The following TBC1D25 variants were observed in gnomAD, a reference collection of about 807,000 sequenced individuals.
TBC1D25 encodes TBC1 domain family member 25.
TBC1D25 carries 13 observed loss-of-function variants against 38.8 expected under a neutral mutation model. That is an observed-to-expected ratio of 0.34 (90% CI 0.22 to 0.53). The LOEUF is 0.53. Ranked by LOEUF, TBC1D25 falls within the 20% of genes least tolerant of loss-of-function variation. TBC1D25 has a pLI of 0.94. For missense variants in TBC1D25, 372 were observed against 600.0 expected, an observed-to-expected ratio of 0.62 and a Z score of 3.97; for synonymous variants, 225 against 255.6, an observed-to-expected ratio of 0.88 and a Z score of 1.14.
chrX:48,540,648 C>T (rs1324775282), intron 1 of TBC1D25, among the ~76,000 whole-genome samples: 1 of 111,473 alleles, frequency 9.0e-6, no homozygotes, highest in African/African-American at 3.3e-5. Context: ...AGAGACAGAT[C>T]GCCAAGGGCC....
chrX:48,542,490 C>CT (rs781913912), intron 2 of TBC1D25, among the ~76,000 whole-genome samples: 143 of 92,124 alleles, frequency 1.6e-3, no homozygotes, highest in African/African-American at 1.8e-3. Context: ...TTGATCTTCT[C>CT]TTTTTTTTTT....
intron 3 of TBC1D25, among the ~76,000 whole-genome samples, chrX:48,555,434 T>A (rs2061967503): frequency 8.9e-6 from 1 of 112,142 alleles, no homozygotes; most frequent in Non-Finnish European, 1.9e-5. Flanking sequence ...AGAAGTTGAT[T>A]GGTTTCACAC....
In TBC1D25 at chrX:48,561,089, C is replaced by G; in HGVS notation, c.*114C>G. On this transcript the variant is annotated 3_prime_UTR_variant, in exon 6 of 6. Coordinates refer to ENST00000376771, the MANE Select transcript of TBC1D25 (RefSeq NM_002536.4). The stretch of plus-strand genomic sequence containing the variant: ...CCTGCCAGCCCTAGACTTGTTGGAG[C>G]ATAGAGCCCTTCCTCCCCAGGCCTA... The G allele has an allele frequency of 1.1e-6, 1 of 900,370 alleles. No individual in the cohort carries two copies. The highest frequency in any genetic ancestry group is 2.0e-5 in the African/African-American group (1 of 50,364). 74.2% of individuals were successfully genotyped at this position (900,370 alleles called of 1,213,427 possible).
intron 3 of TBC1D25, among the ~76,000 whole-genome samples, chrX:48,558,087 G>A (rs1423285748): frequency 9.6e-6 from 1 of 103,642 alleles, no homozygotes; most frequent in Non-Finnish European, 2.0e-5. Context: ...TTCCACCCTC[G>A]GTTACAGAGT....
At chrX:48,557,085 C>T (rs1400624081) in intron 3 of TBC1D25, among the ~76,000 whole-genome samples, 3 of 107,337 alleles carry the variant, frequency 2.8e-5, no homozygotes, top group Admixed American at 2.0e-4. Flanking sequence ...AAATCATCCA[C>T]GCATGGTGGC....
chrX:48,541,771 C>G (rs2061840542), intron 2 of TBC1D25, among the ~76,000 whole-genome samples: 1 of 111,945 alleles, frequency 8.9e-6, no homozygotes, highest in Non-Finnish European at 1.9e-5. Context: ...GATTTTTCAA[C>G]TTTACAATGG....
At position 48,559,828 on chromosome X, in the gene TBC1D25, A is replaced by G. The variant is rs782524725; in HGVS notation, c.920A>G (p.Asp307Gly). The change falls in exon 6 of 6, where the codon GAT (aspartate) becomes GGT (glycine). Residue 307 changes from aspartate to glycine, a missense_variant. By Grantham distance (94) the Asp-to-Gly change is moderately conservative. Coordinates refer to ENST00000376771, the MANE Select transcript of TBC1D25 (RefSeq NM_002536.4). ...CACCCCTACTATGCGGGGCCTGAGG[A>G]TGGCCCACATCTACGGGCGCTGCAC... ...RAHPYYAGPE[D>G]GPHLRALHDL... is the part of the protein sequence containing the mutation. The G allele has an allele frequency of 8.3e-7, 1 of 1,211,684 alleles. No homozygotes were observed. The highest frequency in any genetic ancestry group is 1.1e-6 in the Non-Finnish European group (1 of 895,509).
chrX:48,549,952 C>T, intron 3 of TBC1D25, among the ~76,000 whole-genome samples: 1 of 111,264 alleles, frequency 9.0e-6, no homozygotes, highest in Non-Finnish European at 1.9e-5. Flanking sequence ...TTAAAAAAAT[C>T]AAGATAGTCA....
At chrX:48,550,467 T>C (rs1556982920) in intron 3 of TBC1D25, among the ~76,000 whole-genome samples, 1 of 110,767 alleles carries the variant, frequency 9.0e-6, no homozygotes, top group African/African-American at 3.3e-5. Flanking sequence ...ATGACAGTGG[T>C]TTTGTGGTCA....
At chrX:48,553,619 T>TC (rs1438781293) in intron 3 of TBC1D25, among the ~76,000 whole-genome samples, 9 of 89,924 alleles carry the variant, frequency 1.0e-4, no homozygotes, top group Non-Finnish European at 1.7e-4. Flanking sequence ...TCTTTTTCTT[T>TC]TTTTTTTTTT....
rs1556981219 is a variant in TBC1D25, at chrX:48,544,953, C to T, written c.318C>T (p.Leu106=). Reference sequence around the variant, plus strand: ...TCTCACTTCTATCTGACTGGGACCTCAGCACAGCCTTTGCCACTGCCTCCA... The same window carrying T: ...TCTCACTTCTATCTGACTGGGACCTTAGCACAGCCTTTGCCACTGCCTCCA... The part of the protein sequence containing the change: ...VYLSLLSDWD[L]STAFATASKP... Residue 106 remains leucine (L), a synonymous_variant, in exon 3 of 6, where the codon CTC becomes CTT. Transcript: ENST00000376771. The T allele has an allele frequency of 8.3e-7, 1 of 1,211,956 alleles. No homozygotes were observed. The highest frequency in any genetic ancestry group is 2.2e-5 in the Admixed American group (1 of 46,042).
At chrX:48,557,099 C>A (rs1384709768) in intron 3 of TBC1D25, among the ~76,000 whole-genome samples, 1 of 108,570 alleles carries the variant, frequency 9.2e-6, no homozygotes, top group Non-Finnish European at 1.9e-5. Flanking sequence ...TGGTGGCACA[C>A]GCCTGTAAGC....
rs377687929 is a variant in TBC1D25 at position 48,545,045 on chromosome X, G to A, written c.388+22G>A. The stretch of plus-strand genomic sequence containing the variant: ...GACAGTGAGTACTCAGTGCCCCCAG[G>A]AGCACTGCTCTGGAACCCCTTTACC... On this transcript the variant is annotated intron_variant, in intron 3 of 5. Coordinates refer to ENST00000376771, the MANE Select transcript of TBC1D25 (RefSeq NM_002536.4). 3 of 1,206,223 alleles carry A rather than the reference G, an allele frequency of 2.5e-6. No individual in the cohort carries two copies. In the African/African-American group the frequency reaches 5.3e-5, roughly 21 times the overall value.
At chrX:48,550,293 C>A (rs140142433) in intron 3 of TBC1D25, among the ~76,000 whole-genome samples, 86 of 111,452 alleles carry the variant, frequency 7.7e-4, no homozygotes, top group African/African-American at 2.7e-3. Flanking sequence ...GGCCTGCCAG[C>A]ATCATTTATT....
At chrX:48,551,192 T>C (rs2061929033) in intron 3 of TBC1D25, among the ~76,000 whole-genome samples, 1 of 111,746 alleles carries the variant, frequency 8.9e-6, no homozygotes, top group Non-Finnish European at 1.9e-5. Context: ...AATGAAACAC[T>C]TGGATGTTTC....
At chrX:48,556,548 G>A (rs1556984470) in intron 3 of TBC1D25, among the ~76,000 whole-genome samples, 1 of 109,809 alleles carries the variant, frequency 9.1e-6, no homozygotes, top group African/African-American at 3.3e-5. Context: ...CTGAGGTCAG[G>A]AGTTGGAGAC....
chrX:48,541,587 A>C (rs2061839174), intron 2 of TBC1D25, 145 bp downstream of exon 2: 1 of 585,357 alleles, frequency 1.7e-6, no homozygotes, highest in Non-Finnish European at 2.8e-6. Context: ...CTTGGAGCAC[A>C]GTAGTCTACT....
At chrX:48,547,663 G>A (rs1375966563) in intron 3 of TBC1D25, among the ~76,000 whole-genome samples, 3 of 112,179 alleles carry the variant, frequency 2.7e-5, no homozygotes, top group East Asian at 2.8e-4. Flanking sequence ...TAGGCCAGGC[G>A]CCGTGGCTCA....
In TBC1D25 at chrX:48,560,087, A is replaced by G. The variant is rs1556985686; in HGVS notation, c.1179A>G (p.Gln393=). 8.3e-7 allele frequency: 1 copy of G among 1,209,568 alleles called. No homozygotes were observed. Among genetic ancestry groups the G allele is most frequent in the Non-Finnish European group, 1.1e-6 (1 of 894,369 alleles). Residue 393 remains glutamine (Q), a synonymous_variant, in exon 6 of 6, where the codon CAA becomes CAG. Coordinates refer to ENST00000376771, the MANE Select transcript of TBC1D25 (RefSeq NM_002536.4). ...GACACGCTGACCCTGACTTTTATCAATACCTGCAAGAGGCAGGCGCTGATG... is the reference window on the plus strand; with the variant it reads ...GACACGCTGACCCTGACTTTTATCAGTACCTGCAAGAGGCAGGCGCTGATG... The part of the protein sequence containing the change: ...LLRHADPDFY[Q]YLQEAGADDL...
Sources: allele counts gnomAD v4.1 joint callset (sites outside exome capture counted in the v4.1 genomes callset), GRCh38; gene constraint gnomAD v4.1.1; transcripts MANE v1.5; gene names NCBI Gene and HGNC (gene_info 2026-07-23, HGNC 2026-07-21).